Variants in ERMP1 observed in about 807,000 individuals in gnomAD.
ERMP1 encodes endoplasmic reticulum metallopeptidase 1, also known as Felix-ina.
Under a neutral mutation model 92.0 loss-of-function variants are expected in ERMP1, and 86 were observed. That is an observed-to-expected ratio of 0.93 (90% CI 0.79 to 1.12). The LOEUF (loss-of-function observed/expected upper bound fraction) is 1.12, where lower values mean the gene tolerates loss of function less well. Ranked by LOEUF, ERMP1 falls within the 50% of genes most tolerant of loss-of-function variation. ERMP1 has a pLI of 0.00. For missense variants in ERMP1, 1,342 were observed against 1,116.3 expected (o/e 1.20, Z -2.88); for synonymous variants, 530 against 412.8 (o/e 1.28, Z -3.44).
At position 5,816,089 on chromosome 9, in the gene ERMP1, A is replaced by G. The variant is rs1829294814; in HGVS notation, c.875-3054T>C. Among the ~76,000 whole-genome samples, 3 of 152,026 alleles carry G rather than the reference A, an allele frequency of 2.0e-5. No individual in the cohort carries two copies. The South Asian group carries it at 6.2e-4, about 32-fold the overall frequency. On this transcript the variant is annotated intron_variant, in intron 4 of 14. Transcript: ENST00000339450. ...GAGTTGTATTTGAGAAGAGAGGTTAAAAAAAATGCCTAGGCAGGCAAGGCA... is the reference window on the plus strand; with the variant it reads ...GAGTTGTATTTGAGAAGAGAGGTTAGAAAAAATGCCTAGGCAGGCAAGGCA...
At chr9:5,812,835 T>A in intron 5 of ERMP1, 54 bp downstream of exon 5, 1 of 1,599,982 alleles carries the variant, frequency 6.3e-7, no homozygotes, top group African/African-American at 1.3e-5. Context: ...AGATTTAAAA[T>A]TTGCTTTTGA....
intron 2 of ERMP1, among the ~76,000 whole-genome samples, chr9:5,828,993 C>T (rs10975305): frequency 6.6e-5 from 10 of 151,944 alleles, no homozygotes; most frequent in Non-Finnish European, 1.3e-4. Context: ...CCTATAATCT[C>T]AGAAATTTGG....
chr9:5,801,374 GT>G, intron 10 of ERMP1, 46 bp from the exon 11 acceptor site: 1 of 1,573,914 alleles, frequency 6.4e-7, no homozygotes, highest in Non-Finnish European at 8.6e-7. Context: ...ATTCATTCTA[GT>G]GGTGGAAAGG....
chr9:5,797,822 G>C lies in ERMP1; in HGVS notation c.2381C>G (p.Ala794Gly). The C allele has an allele frequency of 6.3e-7, 1 of 1,583,080 alleles. No homozygotes were observed. The highest frequency in any genetic ancestry group is 1.4e-5 in the African/African-American group (1 of 73,568). ...AAAACTATTATATGACTTACCTGTT[G>C]CTTCAAAAGTCAATTTTATAGAATC... ...PWDSIKLTFE[A>G]TGPSHMSFYV... Residue 794 changes from alanine to glycine, a missense_variant, in exon 13 of 15, where the codon GCA becomes GGA. Transcript: ENST00000339450.
intron 6 of ERMP1, among the ~76,000 whole-genome samples, chr9:5,841,826 G>A (rs949256428): frequency 3.9e-5 from 6 of 152,024 alleles, no homozygotes; most frequent in Admixed American, 1.3e-4. Flanking sequence ...GTGGACCCTC[G>A]CGGTGAGTGT....
intron 11 of ERMP1, among the ~76,000 whole-genome samples, chr9:5,800,508 T>A (rs1828627289): frequency 6.6e-6 from 1 of 152,034 alleles, no homozygotes; most frequent in Non-Finnish European, 1.5e-5. Context: ...AAACCCTGTC[T>A]CCACTAAAAA....
chr9:5,805,828 A>G, intron 8 of ERMP1, 43 bp from the exon 9 acceptor site: 1 of 1,443,450 alleles, frequency 6.9e-7, no homozygotes, highest in Middle Eastern at 1.8e-4. Flanking sequence ...TTCAGGGGTC[A>G]TGCATAAAGA....
chr9:5,860,949 T>C (rs1830467683), intron 5 of ERMP1, among the ~76,000 whole-genome samples: 1 of 152,126 alleles, frequency 6.6e-6, no homozygotes, highest in Non-Finnish European at 1.5e-5. Context: ...CATGTGATAA[T>C]GTAGCAAGAA....
chr9:5,835,687 T>C (rs899832830), upstream of ERMP1, among the ~76,000 whole-genome samples: 14 of 152,180 alleles, frequency 9.2e-5, no homozygotes, highest in African/African-American at 3.4e-4. Context: ...AAGGAAGGCC[T>C]CCTGGCCCTG....
intron 6 of ERMP1, among the ~76,000 whole-genome samples, chr9:5,858,891 G>C (rs1297526900): frequency 1.3e-5 from 2 of 152,184 alleles, no homozygotes; most frequent in Non-Finnish European, 2.9e-5. Flanking sequence ...GACCAGGCAG[G>C]CTTCAAGCAG....
At chr9:5,802,407 CAG>C (rs1285317212) in intron 10 of ERMP1, among the ~76,000 whole-genome samples, 3 of 152,126 alleles carry the variant, frequency 2.0e-5, no homozygotes, top group East Asian at 3.9e-4. Flanking sequence ...TTTCTGGAGA[CAG>C]AGTCTCGCTC....
At chr9:5,812,721 T>C in intron 5 of ERMP1, 168 bp downstream of exon 5, 1 of 739,216 alleles carries the variant, frequency 1.4e-6, no homozygotes. Context: ...TTTAAATTAG[T>C]ATGGAGTTTA....
chr9:5,864,856 G>T (rs1232718596), intron 5 of ERMP1, among the ~76,000 whole-genome samples: 2 of 152,104 alleles, frequency 1.3e-5, no homozygotes, highest in East Asian at 3.9e-4. Context: ...GTTCCAGTGT[G>T]GTGGCATGAT....
chr9:5,811,090 G>C (rs1829072772), intron 7 of ERMP1, 21 bp downstream of exon 7: 1 of 1,554,422 alleles, frequency 6.4e-7, no homozygotes. Flanking sequence ...AGTATTTGTA[G>C]TTTTAGAGGA....
intron 13 of ERMP1, among the ~76,000 whole-genome samples, 191 bp downstream of exon 13, chr9:5,797,626 C>T (rs1043328829): frequency 1.4e-5 from 2 of 147,190 alleles, no homozygotes; most frequent in African/African-American, 2.5e-5. Flanking sequence ...CTAGCCTGGG[C>T]GACAGAGCGA....
At chr9:5,834,140 T>C (rs989795796), upstream of ERMP1, among the ~76,000 whole-genome samples, 1 of 152,176 alleles carries the variant, frequency 6.6e-6, no homozygotes, top group Non-Finnish European at 1.5e-5. Flanking sequence ...TATTTCCAGC[T>C]CTCCAGCCAC....
intron 1 of ERMP1, 33 bp downstream of exon 1, chr9:5,832,657 G>A (rs1000751425): frequency 7.3e-7 from 1 of 1,364,402 alleles, no homozygotes; most frequent in Non-Finnish European, 9.4e-7. Flanking sequence ...GCAAACGGAC[G>A]CGCGGGCCGT....
In ERMP1 at chr9:5,786,016, C is replaced by CGCAG. The variant is rs1462287440; in HGVS notation, c.*1124_*1127dup. 6.6e-6 allele frequency: 1 copy of CGCAG among 152,198 alleles called. No individual in the cohort carries two copies. The highest frequency in any genetic ancestry group is 1.5e-5 in the Non-Finnish European group (1 of 68,084). 9.4% of individuals were successfully genotyped at this position (152,198 alleles called of 1,614,324 possible). A position where few individuals can be genotyped will look rare whatever the true frequency, so the allele number is the denominator to read the frequency against. ...CTTTTAAGTCCTCATGCTGCCATTA[C>CGCAG]GCAGGATCTGAACCACCTACACGTA... On this transcript the variant is annotated 3_prime_UTR_variant, in exon 15 of 15. Transcript: ENST00000339450.
chr9:5,830,706 G>C (rs752603199), intron 2 of ERMP1, 21 bp downstream of exon 2: 5 of 1,575,518 alleles, frequency 3.2e-6, no homozygotes, highest in Non-Finnish European at 4.3e-6. Flanking sequence ...AGTTCCAAAT[G>C]ACTAAAAAAC....
Sources: gnomAD v4.1 joint callset for allele counts (sites outside exome capture counted in the v4.1 genomes callset) on GRCh38, gnomAD v4.1.1 for gene constraint, MANE v1.5 for transcripts, NCBI Gene and HGNC (gene_info 2026-07-23, HGNC 2026-07-21) for gene names.